SLC25A26: variants seen among roughly 807,000 people sequenced by gnomAD.
SLC25A26 encodes mitochondrial S-adenosylmethionine carrier protein.
In SLC25A26, 36 loss-of-function variants were observed where a neutral mutation model predicts 37.8. That is an observed-to-expected ratio of 0.95 (90% CI 0.73 to 1.26). The LOEUF is 1.26. SLC25A26 is among the 50% of genes most tolerant of loss of function. The pLI, the probability that SLC25A26 is intolerant of heterozygous loss-of-function variation, is 0.00. For synonymous variants in SLC25A26, 129 were observed against 122.5 expected (o/e 1.05, Z -0.35); for missense variants, 390 against 331.1 (o/e 1.18, Z -1.38).
intron 5 of SLC25A26, among the ~76,000 whole-genome samples, chr3:66,311,217 G>A (rs533394855): frequency 2.8e-4 from 43 of 151,634 alleles, no homozygotes; most frequent in African/African-American, 9.7e-4. Flanking sequence ...TCATCTTGTC[G>A]TCACACTTTA....
intron 9 of SLC25A26, among the ~76,000 whole-genome samples, chr3:66,375,214 G>C (rs893490693): frequency 1.3e-5 from 2 of 152,212 alleles, no homozygotes; most frequent in African/African-American, 4.8e-5. Flanking sequence ...TGCAGGGTTT[G>C]AAGTTAGGAG....
At position 66,237,729 on chromosome 3, in the gene SLC25A26, G is replaced by A. The variant is rs139990610; in HGVS notation, c.190+1029G>A. Among the ~76,000 whole-genome samples, 113 of 152,240 alleles carry A rather than the reference G, an allele frequency of 7.4e-4. 1 individual carries two copies. The East Asian group carries it at 0.02, about 27-fold the overall frequency. On this transcript the variant is annotated intron_variant, in intron 2 of 9. Transcript: ENST00000354883. ...TGTTTACTGTTGGATGCCTCTAGTG[G>A]CATTTGAAAGTAAACTAAAGCAACA...
chr3:66,336,578 T>G (rs2076096553), intron 5 of SLC25A26, among the ~76,000 whole-genome samples: 1 of 152,226 alleles, frequency 6.6e-6, no homozygotes, highest in African/African-American at 2.4e-5. Context: ...TTCTGAGTCT[T>G]AAGTTTACCT....
At chr3:66,216,425 T>C (rs1355188113), upstream of SLC25A26, among the ~76,000 whole-genome samples, 5 of 152,022 alleles carry the variant, frequency 3.3e-5, no homozygotes, top group African/African-American at 1.2e-4. Context: ...GGCAGGAAGA[T>C]TGCTTGAACC....
At chr3:66,159,180 C>T (rs2070323267) in intron 1 of SLC25A26, among the ~76,000 whole-genome samples, 1 of 152,198 alleles carries the variant, frequency 6.6e-6, no homozygotes, top group Non-Finnish European at 1.5e-5. Context: ...GAACCTCTGA[C>T]CCACAGGCCG....
At chr3:66,190,428 C>A (rs1310916042) in intron 1 of SLC25A26, among the ~76,000 whole-genome samples, 2 of 151,946 alleles carry the variant, frequency 1.3e-5, no homozygotes, top group Non-Finnish European at 2.9e-5. Context: ...AGAATTTTAT[C>A]TATTTTATTT....
intron 1 of SLC25A26, among the ~76,000 whole-genome samples, chr3:66,195,109 A>G (rs996700929): frequency 6.6e-6 from 1 of 152,198 alleles, no homozygotes; most frequent in Non-Finnish European, 1.5e-5. Context: ...TTCTTTTGGC[A>G]TAAGTCACCT....
At chr3:66,340,727 T>C (rs2076190790) in intron 5 of SLC25A26, among the ~76,000 whole-genome samples, 1 of 152,128 alleles carries the variant, frequency 6.6e-6, no homozygotes, top group African/African-American at 2.4e-5. Context: ...CTGATCACTG[T>C]TTTGATTATA....
chr3:66,208,717 G>GGTATATATATATACACATTTATATGT (rs2071215884), intron 1 of SLC25A26, among the ~76,000 whole-genome samples: 5 of 105,748 alleles, frequency 4.7e-5, no homozygotes, highest in Admixed American at 9.9e-5. Flanking sequence ...CATTTATATG[G>GGTATATATATATACACATTTATATGT]GTATATATAT....
At chr3:66,357,050 T>C (rs1237497168) in intron 6 of SLC25A26, among the ~76,000 whole-genome samples, 1 of 152,176 alleles carries the variant, frequency 6.6e-6, no homozygotes, top group Non-Finnish European at 1.5e-5. Context: ...TTAAGAAAAA[T>C]TACCGAAGTG....
intron 1 of SLC25A26, among the ~76,000 whole-genome samples, chr3:66,230,265 A>G (rs2071950277): frequency 6.6e-6 from 1 of 152,230 alleles, no homozygotes; most frequent in African/African-American, 2.4e-5. Context: ...TATAAACAAC[A>G]TTATATACTA....
chr3:66,253,529 C>T (rs1378866559), intron 3 of SLC25A26, among the ~76,000 whole-genome samples: 5 of 151,908 alleles, frequency 3.3e-5, no homozygotes, highest in African/African-American at 1.2e-4. Flanking sequence ...TACTGCTGGT[C>T]CAAAGATAGA....
At chr3:66,272,583 G>A (rs971602942) in intron 5 of SLC25A26, among the ~76,000 whole-genome samples, 5 of 151,948 alleles carry the variant, frequency 3.3e-5, no homozygotes, top group African/African-American at 1.2e-4. Flanking sequence ...CTTTATCTAG[G>A]TGTTAGTTTA....
chr3:66,370,692 C>A, intron 9 of SLC25A26, 90 bp downstream of exon 9: 1 of 980,842 alleles, frequency 1.0e-6, no homozygotes, highest in Non-Finnish European at 1.6e-6. Flanking sequence ...TCCTTCCCTT[C>A]TGCTTATGTT....
At chr3:66,185,094 A>G (rs1011301086) in intron 1 of SLC25A26, among the ~76,000 whole-genome samples, 79 of 152,308 alleles carry the variant, frequency 5.2e-4, no homozygotes, top group African/African-American at 1.9e-3. Flanking sequence ...GAAACTCTGT[A>G]CCCGTTAAAT....
intron 6 of SLC25A26, among the ~76,000 whole-genome samples, chr3:66,351,973 G>T (rs1042620098): frequency 4.6e-5 from 7 of 151,996 alleles, no homozygotes; most frequent in East Asian, 1.9e-4. Flanking sequence ...ATTAGGTCAG[G>T]CACAGTGGCT....
intron 6 of SLC25A26, among the ~76,000 whole-genome samples, chr3:66,352,420 CGTTTTTT>C (rs898701532): frequency 2.0e-4 from 28 of 140,468 alleles, no homozygotes; most frequent in Non-Finnish European, 3.3e-4. Flanking sequence ...CGCCTCCCCT[CGTTTTTT>C]GTTTTTTGTT....
intron 1 of SLC25A26, among the ~76,000 whole-genome samples, chr3:66,185,250 C>A (rs912839810): frequency 6.6e-6 from 1 of 152,172 alleles, no homozygotes; most frequent in African/African-American, 2.4e-5. Context: ...AGTATAATAA[C>A]CTTGAGATTC....
At chr3:66,339,495 A>T (rs1458615893) in intron 5 of SLC25A26, among the ~76,000 whole-genome samples, 1 of 151,954 alleles carries the variant, frequency 6.6e-6, no homozygotes, top group African/African-American at 2.4e-5. Context: ...TTGTTCACCA[A>T]CAGTGAACAA....
Sources: allele counts gnomAD v4.1 joint callset (sites outside exome capture counted in the v4.1 genomes callset), GRCh38; gene constraint gnomAD v4.1.1; transcripts MANE v1.5; gene names NCBI Gene and HGNC (gene_info 2026-07-23, HGNC 2026-07-21).